MSR1: variants seen among roughly 807,000 people sequenced by gnomAD.
MSR1 encodes the protein macrophage scavenger receptor types I and II.
A neutral mutation model predicts 47.2 loss-of-function variants in MSR1; 53 were observed. The ratio of observed to expected loss-of-function variants is 1.12; its 90% confidence interval spans 0.90 to 1.41. The LOEUF (loss-of-function observed/expected upper bound fraction) is 1.41, where lower values mean the gene tolerates loss of function less well. MSR1 is among the 40% of genes most tolerant of loss of function. The pLI, the probability that MSR1 is intolerant of heterozygous loss-of-function variation, is 0.00. For synonymous variants in MSR1, 239 were observed against 185.6 expected, an observed-to-expected ratio of 1.29 and a Z score of -2.34; for missense variants, 786 against 546.9, an observed-to-expected ratio of 1.44 and a Z score of -4.36.
intron 1 of MSR1, chr8:16,186,376 T>C: frequency 1.7e-6 from 1 of 591,624 alleles, no homozygotes; most frequent in South Asian, 2.5e-5. Context: ...CTGATGACTC[T>C]TAAGTCTTTA....
intron 9 of MSR1, among the ~76,000 whole-genome samples, chr8:16,111,515 A>T (rs1799755675): frequency 6.6e-6 from 1 of 152,188 alleles, no homozygotes; most frequent in Admixed American, 6.5e-5. Context: ...AAGGAAACTG[A>T]GAGTGGGAAT....
chr8:16,173,524 A>C (rs1801549308), intron 3 of MSR1, among the ~76,000 whole-genome samples: 1 of 152,166 alleles, frequency 6.6e-6, no homozygotes, highest in Non-Finnish European at 1.5e-5. Context: ...AGGTCCTTTT[A>C]CTCAGACAAC....
At chr8:16,115,709 G>C (rs1437188401) in intron 9 of MSR1, among the ~76,000 whole-genome samples, 1 of 152,116 alleles carries the variant, frequency 6.6e-6, no homozygotes, top group African/African-American at 2.4e-5. Flanking sequence ...CAGGTGCAGT[G>C]GTTCACACTT....
At chr8:16,162,956 A>C (rs1312856890) in intron 5 of MSR1, among the ~76,000 whole-genome samples, 93 of 152,054 alleles carry the variant, frequency 6.1e-4, no homozygotes, top group Admixed American at 6.1e-3. Context: ...AAAAAAATAA[A>C]GTAGAATAAA....
rs529077999 is a variant in MSR1 at position 16,128,465 on chromosome 8, G to A, written c.1034-7859C>T. Among the ~76,000 whole-genome samples the A allele has an allele frequency of 7.9e-5, 12 of 152,128 alleles. 1 individual carries two copies. The South Asian group carries it at 2.3e-3, about 29-fold the overall frequency. On this transcript the variant is annotated intron_variant, in intron 8 of 9. Coordinates refer to ENST00000262101, the MANE Select transcript of MSR1 (RefSeq NM_138715.3). Reference sequence around the variant, plus strand: ...AGTCACAATGAGAAGGGGGCCGTCTGCAAGCCAAAGAGAAGCCTCAGGAGA... The same window carrying A: ...AGTCACAATGAGAAGGGGGCCGTCTACAAGCCAAAGAGAAGCCTCAGGAGA...
At chr8:16,133,743 C>A (rs1800319161) in intron 8 of MSR1, among the ~76,000 whole-genome samples, 1 of 152,116 alleles carries the variant, frequency 6.6e-6, no homozygotes, top group Admixed American at 6.6e-5. Flanking sequence ...CATGTTTTAT[C>A]TTCTCCTATA....
chr8:16,112,544 T>C (rs114565156), intron 9 of MSR1, among the ~76,000 whole-genome samples: 10,474 of 152,194 alleles, frequency 0.069, 460 homozygotes, highest in African/African-American at 0.11. Context: ...GAAAAATTTA[T>C]TTAATACACA....
At chr8:16,137,969 G>T (rs984541517) in intron 8 of MSR1, among the ~76,000 whole-genome samples, 9 of 150,222 alleles carry the variant, frequency 6.0e-5, no homozygotes, top group Non-Finnish European at 4.4e-5. Flanking sequence ...TCCAACCTGT[G>T]CAACAGAGCA....
intron 5 of MSR1, among the ~76,000 whole-genome samples, chr8:16,163,088 G>C (rs1020747039): frequency 1.3e-5 from 2 of 151,940 alleles, no homozygotes; most frequent in African/African-American, 2.4e-5. Flanking sequence ...TAAATGTTAA[G>C]GTCAACAATC....
chr8:16,121,592 A>G (rs955792582), intron 8 of MSR1, among the ~76,000 whole-genome samples: 13 of 151,946 alleles, frequency 8.6e-5, no homozygotes, highest in African/African-American at 2.7e-4. Context: ...TAAAGAACAG[A>G]ATGAAAGGCA....
In MSR1 at chr8:16,120,853, T is replaced by C. The variant is rs183098104; in HGVS notation, c.1034-247A>G. On this transcript the variant is annotated intron_variant, in intron 8 of 9. Transcript: ENST00000262101. ...CAATCTGTCTTACATGTAAGTTATA[T>C]ATACGAGGACACGTCACAGATTATA... 2.8e-5 allele frequency: 15 copies of C among 532,078 alleles called. No individual in the cohort carries two copies. In the African/African-American group the frequency reaches 2.9e-4, roughly 10 times the overall value. 33.0% of individuals were successfully genotyped at this position (532,078 alleles called of 1,614,324 possible).
At chr8:16,140,936 T>C in intron 8 of MSR1, 6 of 1,613,116 alleles carry the variant, frequency 3.7e-6, no homozygotes, top group Admixed American at 1.7e-5. Flanking sequence ...GCAGATGACT[T>C]GTCCAGAGGT....
At chr8:16,176,580 C>A (rs1244667809) in intron 2 of MSR1, among the ~76,000 whole-genome samples, 2 of 151,338 alleles carry the variant, frequency 1.3e-5, no homozygotes, top group African/African-American at 4.9e-5. Flanking sequence ...AGAAAAAGAA[C>A]CCATAATAGA....
chr8:16,186,038 T>C (rs1403602211), intron 1 of MSR1: 2 of 839,882 alleles, frequency 2.4e-6, no homozygotes, highest in African/African-American at 3.5e-5. Context: ...ACCTGCCACA[T>C]AGAATTTAAG....
intron 1 of MSR1, among the ~76,000 whole-genome samples, chr8:16,181,349 A>G (rs1054223208): frequency 1.3e-5 from 2 of 152,136 alleles, no homozygotes; most frequent in African/African-American, 2.4e-5. Context: ...TATCCTCTCC[A>G]GCATCTGTTG....
chr8:16,172,614 T>C (rs1801518188), intron 3 of MSR1, among the ~76,000 whole-genome samples: 1 of 152,096 alleles, frequency 6.6e-6, no homozygotes, highest in South Asian at 2.1e-4. Flanking sequence ...TGGAATTATC[T>C]TTTCATACCC....
At chr8:16,173,278 T>G (rs542349508) in intron 3 of MSR1, among the ~76,000 whole-genome samples, 31 of 152,300 alleles carry the variant, frequency 2.0e-4, no homozygotes, top group African/African-American at 7.2e-4. Flanking sequence ...ATTTTCCGAC[T>G]CCTGTCTGCA....
At chr8:16,117,281 G>A (rs1207127030) in intron 9 of MSR1, among the ~76,000 whole-genome samples, 3 of 152,278 alleles carry the variant, frequency 2.0e-5, no homozygotes, top group Middle Eastern at 3.4e-3. Flanking sequence ...AGGGATCTAG[G>A]TTGCACGCTT....
chr8:16,139,154 C>A (rs1434494661), intron 8 of MSR1, among the ~76,000 whole-genome samples: 2 of 152,160 alleles, frequency 1.3e-5, no homozygotes, highest in Non-Finnish European at 2.9e-5. Flanking sequence ...AATATAAAAT[C>A]TTTTCTTTTT....
Sources: allele counts gnomAD v4.1 joint callset (sites outside exome capture counted in the v4.1 genomes callset), GRCh38; gene constraint gnomAD v4.1.1; transcripts MANE v1.5; gene names NCBI Gene and HGNC (gene_info 2026-07-23, HGNC 2026-07-21).